The following TMEM19 variants were observed in gnomAD, a reference collection of about 807,000 sequenced individuals.
TMEM19 encodes transmembrane protein 19.
In TMEM19, 21 loss-of-function variants were observed where a neutral mutation model predicts 33.6. The observed-to-expected ratio is 0.62, with a 90% CI of 0.44 to 0.90. TMEM19 has a LOEUF of 0.90. TMEM19 is among the 40% of genes least tolerant of loss of function. TMEM19 has a pLI of 0.00. For missense variants in TMEM19, 402 were observed against 401.8 expected (o/e 1.00, Z 0.00); for synonymous variants, 149 against 147.5 (o/e 1.01, Z -0.07).
At chr12:71,693,190 G>A (rs1294821744) in intron 2 of TMEM19, among the ~76,000 whole-genome samples, 5 of 150,990 alleles carry the variant, frequency 3.3e-5, no homozygotes, top group South Asian at 2.1e-4. Flanking sequence ...GCGAGACCCT[G>A]TCCCAAAAAA....
intron 2 of TMEM19, among the ~76,000 whole-genome samples, chr12:71,695,269 T>C (rs1881850970): frequency 6.6e-6 from 1 of 152,216 alleles, no homozygotes; most frequent in Non-Finnish European, 1.5e-5. Flanking sequence ...AACATGAACA[T>C]TAATTGCTTC....
rs771512857 is a variant in TMEM19 at position 71,700,925 on chromosome 12, A to C, written c.941A>C (p.Asn314Thr). The C allele has an allele frequency of 6.2e-7, 1 of 1,613,834 alleles. No homozygotes were observed. Among genetic ancestry groups the C allele is most frequent in the East Asian group, 2.2e-5 (1 of 44,844 alleles). The change falls in exon 6 of 6, where the codon AAT becomes ACT. Residue 314 changes from asparagine to threonine, a missense_variant. Coordinates refer to ENST00000266673, the MANE Select transcript of TMEM19 (RefSeq NM_018279.4). ...CCCATTCTTGATAACAACGCAGTGA[A>C]TCTGTTTTCTTCTGTTCTTATTGCC... is the stretch of plus-strand genomic sequence containing the variant. The part of the protein sequence containing the change: ...GKPILDNNAV[N>T]LFSSVLIALL...
At chr12:71,700,330 G>A (rs1404805946) in intron 5 of TMEM19, among the ~76,000 whole-genome samples, 1 of 152,106 alleles carries the variant, frequency 6.6e-6, no homozygotes, top group Non-Finnish European at 1.5e-5. Context: ...CATGCAGTAG[G>A]GGAGATTTTG....
chr12:71,693,795 T>C (rs1466066757), intron 2 of TMEM19, among the ~76,000 whole-genome samples: 1 of 152,112 alleles, frequency 6.6e-6, no homozygotes, highest in African/African-American at 2.4e-5. Context: ...TGATAGTGAA[T>C]AAGTCTCACG....
intron 5 of TMEM19, 193 bp downstream of exon 5, chr12:71,699,302 T>A (rs1461124287): frequency 3.2e-6 from 2 of 629,132 alleles, no homozygotes; most frequent in Non-Finnish European, 5.5e-6. Context: ...AGAGAATTAG[T>A]CCCGCGCAGC....
In TMEM19 at chr12:71,696,465, G is replaced by A; in HGVS notation, c.274G>A (p.Ala92Thr). The change falls in exon 3 of 6, where the codon GCA becomes ACA. Residue 92 changes from alanine to threonine, a missense_variant. By Grantham distance (58) the Ala-to-Thr change is moderately conservative. Transcript: ENST00000266673. ...GLVVGFILTI[A>T]NFSFFTSLLM... is the part of the protein sequence containing the mutation. ...AGTCGTTGGATTTATCCTAACCATTGCAAATTTCAGCTTTTTTACCTCTTT... is the reference window on the plus strand; with the variant it reads ...AGTCGTTGGATTTATCCTAACCATTACAAATTTCAGCTTTTTTACCTCTTT... 1 of 1,611,476 alleles carries A rather than the reference G, an allele frequency of 6.2e-7. No homozygotes were observed. Among genetic ancestry groups the A allele is most frequent in the Non-Finnish European group, 8.5e-7 (1 of 1,178,750 alleles).
Position 71,697,280 on chromosome 12 carries a change from G to A in TMEM19, c.383G>A (p.Gly128Asp). 6.3e-7 allele frequency: 1 copy of A among 1,577,650 alleles called. No homozygotes were observed. Among genetic ancestry groups the A allele is most frequent in the Non-Finnish European group, 8.6e-7 (1 of 1,167,466 alleles). The change falls in exon 4 of 6, where the codon GGT (glycine) becomes GAT (aspartate). Residue 128 changes from glycine (G) to aspartate (D), a missense_variant and splice_region_variant. Transcript: ENST00000266673. ...KKRLDSEYKE[G>D]GQRNWVQVFC... ...GTCCTTTTCATCTGTTTGTTTCCAG[G>A]TGGGCAAAGGAATTGGGTTCAGGTG...
At chr12:71,700,469 G>C (rs993764273) in intron 5 of TMEM19, among the ~76,000 whole-genome samples, 3 of 152,170 alleles carry the variant, frequency 2.0e-5, no homozygotes, top group Non-Finnish European at 4.4e-5. Flanking sequence ...CACTGGGAAG[G>C]CAGGCCCAAC....
chr12:71,703,913 A>G lies in TMEM19; in HGVS notation c.*2918A>G. The G allele has an allele frequency of 2.3e-5, 6 of 255,960 alleles. No homozygotes were observed. Among genetic ancestry groups the G allele is most frequent in the South Asian group, 2.0e-4 (6 of 30,382 alleles). The allele number at this position is 255,960 out of a possible 1,614,324, so 15.9% of individuals were successfully genotyped here. A position where few individuals can be genotyped will look rare whatever the true frequency, so the allele number is the denominator to read the frequency against. On this transcript the variant is annotated 3_prime_UTR_variant, in exon 6 of 6. Coordinates refer to ENST00000266673, the MANE Select transcript of TMEM19 (RefSeq NM_018279.4). ...TTTTTTTTTGTTAAGTCTTACATGT[A>G]TTTTACTGTAACATCTTTTGAATTG... is the stretch of plus-strand genomic sequence containing the variant.
chr12:71,701,011 C>A lies in TMEM19; in HGVS notation c.*16C>A. ...CAGGGGGTGAACTTTATTTCATTTC[C>A]ACAGGTTGAAACTGGTGAGTCCAGC... On this transcript the variant is annotated 3_prime_UTR_variant, in exon 6 of 6. Transcript: ENST00000266673. The A allele has an allele frequency of 6.3e-7, 1 of 1,597,382 alleles. No homozygotes were observed. Among genetic ancestry groups the A allele is most frequent in the Non-Finnish European group, 8.5e-7 (1 of 1,171,620 alleles).
chr12:71,701,002 T>C lies in TMEM19; in HGVS notation c.*7T>C, dbSNP rs970240842. The C allele has an allele frequency of 3.7e-6, 6 of 1,601,644 alleles. No homozygotes were observed. The African/African-American group carries it at 8.1e-5, about 22-fold the overall frequency. ...TTTTTGGCCCAGGGGGTGAACTTTA[T>C]TTCATTTCCACAGGTTGAAACTGGT... is the stretch of plus-strand genomic sequence containing the variant. On this transcript the variant is annotated 3_prime_UTR_variant, in exon 6 of 6. Transcript: ENST00000266673.
At chr12:71,694,327 G>A (rs1881835155) in intron 2 of TMEM19, among the ~76,000 whole-genome samples, 1 of 152,154 alleles carries the variant, frequency 6.6e-6, no homozygotes, top group Admixed American at 6.5e-5. Context: ...TGTCAGGAAA[G>A]GCCACTGGTG....
At chr12:71,690,662 T>C (rs944341443) in intron 2 of TMEM19, among the ~76,000 whole-genome samples, 1 of 152,196 alleles carries the variant, frequency 6.6e-6, no homozygotes, top group Non-Finnish European at 1.5e-5. Flanking sequence ...AAAGTGTGTA[T>C]GTTGGAAGAT....
Position 71,698,883 on chromosome 12 carries a change from G to A in TMEM19, c.638-17G>A. 1 of 1,611,592 alleles carries A rather than the reference G, an allele frequency of 6.2e-7. No homozygotes were observed. The highest frequency in any genetic ancestry group is 8.5e-7 in the Non-Finnish European group (1 of 1,177,926). On this transcript the variant is annotated splice_polypyrimidine_tract_variant and intron_variant, in intron 4 of 5. Coordinates refer to ENST00000266673, the MANE Select transcript of TMEM19 (RefSeq NM_018279.4). Reference sequence around the variant, plus strand: ...CTGATTATTAACCGGATGATTTTCTGCATGTTTCTTCTTCAGGTACCAATG... The same window carrying A: ...CTGATTATTAACCGGATGATTTTCTACATGTTTCTTCTTCAGGTACCAATG...
At position 71,703,602 on chromosome 12, in the gene TMEM19, T is replaced by C. The variant is rs1397789307; in HGVS notation, c.*2607T>C. The stretch of plus-strand genomic sequence containing the variant: ...CTTTATTTGAAAACTTAGGTCTAGC[T>C]GTGTTTTGCATCAAAATTTTTGAGC... On this transcript the variant is annotated 3_prime_UTR_variant, in exon 6 of 6. Transcript: ENST00000266673. 1 of 157,282 alleles carries C rather than the reference T, an allele frequency of 6.4e-6. No individual in the cohort carries two copies. The highest frequency in any genetic ancestry group is 1.4e-5 in the Non-Finnish European group (1 of 71,138). 9.7% of individuals were successfully genotyped at this position (157,282 alleles called of 1,614,324 possible). A position where few individuals can be genotyped will look rare whatever the true frequency, so the allele number is the denominator to read the frequency against.
At position 71,689,698 on chromosome 12, in the gene TMEM19, C is replaced by G. The variant is rs758433045; in HGVS notation, c.238C>G (p.Leu80Val). 1 of 1,608,414 alleles carries G rather than the reference C, an allele frequency of 6.2e-7. No individual in the cohort carries two copies. The highest frequency in any genetic ancestry group is 1.1e-5 in the South Asian group (1 of 90,366). The change falls in exon 2 of 6, where the codon CTA (leucine) becomes GTA (valine). Residue 80 changes from leucine (L) to valine (V), a missense_variant. Transcript: ENST00000266673. ...GAAAAGTCTAGATCACAGTGGGGCTCTAGGAGGTATGTTTTTATTTTGAAT... is the reference window on the plus strand; with the variant it reads ...GAAAAGTCTAGATCACAGTGGGGCTGTAGGAGGTATGTTTTTATTTTGAAT... ...KKKSLDHSGALGGLVVGFILT... is the reference protein window; with the variant it reads ...KKKSLDHSGAVGGLVVGFILT...
At chr12:71,699,184 CAATG>C (rs1565856575) in intron 5 of TMEM19, 75 bp downstream of exon 5, 1 of 1,501,402 alleles carries the variant, frequency 6.7e-7, no homozygotes, top group East Asian at 2.3e-5. Context: ...AAAATGTTAA[CAATG>C]AAAACAAATC....
At chr12:71,694,440 A>G (rs1881836958) in intron 2 of TMEM19, among the ~76,000 whole-genome samples, 1 of 152,186 alleles carries the variant, frequency 6.6e-6, no homozygotes, top group Non-Finnish European at 1.5e-5. Context: ...TCTGTCATGT[A>G]CCCAGAGTTG....
In TMEM19 at chr12:71,702,630, A is replaced by T. The variant is rs756315679; in HGVS notation, c.*1635A>T. 2 of 152,170 alleles carry T rather than the reference A, an allele frequency of 1.3e-5. No individual in the cohort carries two copies. Among genetic ancestry groups the T allele is most frequent in the Admixed American group, 6.6e-5 (1 of 15,264 alleles). 9.4% of individuals were successfully genotyped at this position (152,170 alleles called of 1,614,324 possible). ...TGCCCAGCCACCAGGGCATGTTTTT[A>T]AAAAAGTACTGATGTCTGGGTTTCA... is the stretch of plus-strand genomic sequence containing the variant. On this transcript the variant is annotated 3_prime_UTR_variant, in exon 6 of 6. Transcript: ENST00000266673.
Sources: gnomAD v4.1 joint callset for allele counts (sites outside exome capture counted in the v4.1 genomes callset) on GRCh38, gnomAD v4.1.1 for gene constraint, MANE v1.5 for transcripts, NCBI Gene and HGNC (gene_info 2026-07-23, HGNC 2026-07-21) for gene names.